The following FAM222A variants were observed in gnomAD, a reference collection of about 807,000 sequenced individuals.
FAM222A encodes the protein protein FAM222A.
Under a neutral mutation model 25.8 loss-of-function variants are expected in FAM222A, and 7 were observed. That is an observed-to-expected ratio of 0.27 (90% confidence interval 0.15 to 0.51). The LOEUF is 0.51. FAM222A is among the 20% of genes least tolerant of loss of function. FAM222A has a pLI of 0.97. For synonymous variants in FAM222A, 294 were observed against 298.8 expected, an observed-to-expected ratio of 0.98 and a Z score of 0.17; for missense variants, 573 against 640.5, an observed-to-expected ratio of 0.89 and a Z score of 1.14.
chr12:109,715,708 C>T (rs76446401), intron 1 of FAM222A, among the ~76,000 whole-genome samples: 1 of 152,300 alleles, frequency 6.6e-6, no homozygotes, highest in Non-Finnish European at 1.5e-5. Flanking sequence ...GTGTTCAGAG[C>T]TTTGCCCATG....
At position 109,767,992 on chromosome 12, in the gene FAM222A, C is replaced by T. The variant is rs1384745397; in HGVS notation, c.83-20C>T. 3.7e-6 allele frequency: 6 copies of T among 1,605,148 alleles called. No homozygotes were observed. Among genetic ancestry groups the T allele is most frequent in the Middle Eastern group, 1.7e-4 (1 of 6,034 alleles). On this transcript the variant is annotated intron_variant, in intron 2 of 2. Coordinates refer to ENST00000538780, the MANE Select transcript of FAM222A (RefSeq NM_032829.3). Reference sequence around the variant, plus strand: ...GGCATGGCCTCCTGATGGGCCCTCACACCTGCTTTCCTCCCACAGGCGAGG... The same window carrying T: ...GGCATGGCCTCCTGATGGGCCCTCATACCTGCTTTCCTCCCACAGGCGAGG...
intron 2 of FAM222A, among the ~76,000 whole-genome samples, chr12:109,766,472 G>A (rs1401306484): frequency 6.6e-6 from 1 of 152,256 alleles, no homozygotes; most frequent in Non-Finnish European, 1.5e-5. Context: ...GGCCTTACAG[G>A]TGAACAGTAG....
intron 2 of FAM222A, among the ~76,000 whole-genome samples, chr12:109,766,250 C>T (rs1010619606): frequency 6.6e-6 from 1 of 152,228 alleles, no homozygotes; most frequent in Non-Finnish European, 1.5e-5. Context: ...TCCATACCCC[C>T]TCAGCCCCGG....
chr12:109,759,063 C>A (rs1888814033), intron 2 of FAM222A, among the ~76,000 whole-genome samples: 2 of 152,224 alleles, frequency 1.3e-5, no homozygotes, highest in Admixed American at 1.3e-4. Context: ...GGAACCCCTT[C>A]TCCAGGGGTA....
intron 2 of FAM222A, among the ~76,000 whole-genome samples, chr12:109,756,414 A>C (rs969948792): frequency 2.0e-5 from 2 of 100,616 alleles, no homozygotes; most frequent in Non-Finnish European, 3.9e-5. Context: ...TTTTTTGTCT[A>C]ATTGCTCTGG....
intron 2 of FAM222A, among the ~76,000 whole-genome samples, chr12:109,754,634 C>G (rs912461834): frequency 9.9e-5 from 15 of 151,816 alleles, no homozygotes; most frequent in African/African-American, 3.6e-4. Context: ...GCCAGCAGGC[C>G]AGATTTGGCC....
chr12:109,714,803 C>T lies in FAM222A; in HGVS notation c.-141C>T, dbSNP rs561185669. On this transcript the variant is annotated 5_prime_UTR_variant, in exon 1 of 3. Transcript: ENST00000538780. This position sits in a 1 kb window ranked among gnomAD's most constrained non-coding sequence, Gnocchi z 4.2. ...CATCGACCCCCAAGGAGGGCTTCGT[C>T]AGGCAGCCTCTGCCACTCCTGCATG... is the stretch of plus-strand genomic sequence containing the variant. 1.3e-5 allele frequency: 2 copies of T among 152,448 alleles called. No homozygotes were observed. Among genetic ancestry groups the T allele is most frequent in the African/African-American group, 4.8e-5 (2 of 41,584 alleles). 9.4% of individuals were successfully genotyped at this position (152,448 alleles called of 1,614,324 possible).
At chr12:109,721,253 G>C (rs1887739517) in intron 1 of FAM222A, among the ~76,000 whole-genome samples, 1 of 152,200 alleles carries the variant, frequency 6.6e-6, no homozygotes, top group Non-Finnish European at 1.5e-5. Flanking sequence ...CTGCCTGTAA[G>C]GGTACTGGGC....
intron 2 of FAM222A, among the ~76,000 whole-genome samples, chr12:109,763,702 C>G (rs1424645790): frequency 6.6e-6 from 1 of 152,218 alleles, no homozygotes; most frequent in African/African-American, 2.4e-5. Flanking sequence ...CATATTCTTT[C>G]ACTTCCAGAG....
chr12:109,765,933 C>G (rs1335766728), intron 2 of FAM222A, among the ~76,000 whole-genome samples: 12 of 152,202 alleles, frequency 7.9e-5, no homozygotes. Flanking sequence ...CGCACATGAC[C>G]CGTCAAACCC....
At position 109,768,796 on chromosome 12, in the gene FAM222A, G is replaced by A. The variant is rs139486750; in HGVS notation, c.867G>A (p.Pro289=). ...ADSGLDYLLW[P]QKPPPPPPQP... Reference sequence around the variant, plus strand: ...GCGGCCTGGATTACCTGCTGTGGCCGCAGAAACCGCCCCCACCGCCGCCCC... The same window carrying A: ...GCGGCCTGGATTACCTGCTGTGGCCACAGAAACCGCCCCCACCGCCGCCCC... The change falls in exon 3 of 3, where the codon CCG becomes CCA. Residue 289 remains proline, a synonymous_variant. Coordinates refer to ENST00000538780, the MANE Select transcript of FAM222A (RefSeq NM_032829.3). 4.5e-4 allele frequency: 710 copies of A among 1,573,880 alleles called. No individual in the cohort carries two copies. The highest frequency in any genetic ancestry group is 5.5e-4 in the Non-Finnish European group (645 of 1,165,678).
At chr12:109,762,583 T>C (rs867430772) in intron 2 of FAM222A, among the ~76,000 whole-genome samples, 18 of 152,218 alleles carry the variant, frequency 1.2e-4, no homozygotes, top group African/African-American at 4.3e-4. Context: ...GTAAGACCTT[T>C]TCCTGTCATT....
chr12:109,715,186 A>G (rs1165261217), intron 1 of FAM222A, among the ~76,000 whole-genome samples: 1 of 152,052 alleles, frequency 6.6e-6, no homozygotes, highest in African/African-American at 2.4e-5. Flanking sequence ...GTGTCATCCG[A>G]AAATTCCCCG....
At chr12:109,722,570 T>A (rs973979140) in intron 1 of FAM222A, 6 of 152,196 alleles carry the variant, frequency 3.9e-5, no homozygotes, top group African/African-American at 1.4e-4. Flanking sequence ...AGAGTCCTCC[T>A]CTCCAGGCAA....
At chr12:109,719,325 A>T (rs1887706523) in intron 1 of FAM222A, among the ~76,000 whole-genome samples, 1 of 152,226 alleles carries the variant, frequency 6.6e-6, no homozygotes, top group African/African-American at 2.4e-5. Context: ...GAGTGGCAGA[A>T]GTATGAGGTT....
At chr12:109,767,938 G>A (rs941767093) in intron 2 of FAM222A, 74 bp from the exon 3 acceptor site, 24 of 1,414,154 alleles carry the variant, frequency 1.7e-5, no homozygotes, top group Middle Eastern at 1.8e-4. Context: ...TGGAGGGGGC[G>A]GGACTCGTGA....
rs370596133 is a variant in FAM222A at position 109,768,347 on chromosome 12, G to T, written c.418G>T (p.Ala140Ser). The T allele has an allele frequency of 6.3e-7, 1 of 1,595,548 alleles. No individual in the cohort carries two copies. Among genetic ancestry groups the T allele is most frequent in the Non-Finnish European group, 8.5e-7 (1 of 1,174,324 alleles). Residue 140 changes from alanine to serine, a missense_variant, in exon 3 of 3, where the codon GCC (alanine) becomes TCC (serine). Physicochemically the swap from Ala to Ser is moderately conservative, Grantham distance 99. Transcript: ENST00000538780. ...CAAGCGGACCAAGCTGTCACCGGCC[G>T]CCGTGCAGGTGGGCATTGCGCCCTA... ...EGKRTKLSPA[A>S]VQVGIAPYPV... is the part of the protein sequence containing the mutation.
chr12:109,743,743 C>T (rs550960693), intron 1 of FAM222A, among the ~76,000 whole-genome samples: 4 of 152,306 alleles, frequency 2.6e-5, no homozygotes, highest in African/African-American at 4.8e-5. Flanking sequence ...GGGCCACCAC[C>T]GGCCGGAAGC....
chr12:109,758,639 C>T (rs892941887), intron 2 of FAM222A, among the ~76,000 whole-genome samples: 11 of 151,468 alleles, frequency 7.3e-5, no homozygotes, highest in Non-Finnish European at 1.6e-4. Context: ...GCCCAGCCGC[C>T]GTCCCTGCCC....
Sources: gnomAD v4.1 joint callset for allele counts (sites outside exome capture counted in the v4.1 genomes callset) on GRCh38, gnomAD v4.1.1 for gene constraint, Gnocchi (gnomAD v3.1) non-coding constraint, MANE v1.5 for transcripts, NCBI Gene and HGNC (gene_info 2026-07-23, HGNC 2026-07-21) for gene names.